PRKAG2: variants seen among roughly 807,000 people sequenced by gnomAD.
The protein encoded by PRKAG2 is 5'-AMP-activated protein kinase subunit gamma-2.
A neutral mutation model predicts 69.6 loss-of-function variants in PRKAG2; 26 were observed. The observed-to-expected ratio is 0.37, with a 90% CI of 0.27 to 0.52. The LOEUF is 0.52. PRKAG2 is among the 20% of genes least tolerant of loss of function. The pLI, the probability that PRKAG2 is intolerant of heterozygous loss-of-function variation, is 0.90. For synonymous variants in PRKAG2, 293 were observed against 285.0 expected (o/e 1.03, Z -0.28); for missense variants, 557 against 740.0 (o/e 0.75, Z 2.87).
intron 4 of PRKAG2, among the ~76,000 whole-genome samples, chr7:151,652,358 G>A (rs923628381): frequency 7.2e-5 from 11 of 152,056 alleles, no homozygotes; most frequent in Admixed American, 1.3e-4. Context: ...GAATTCCACC[G>A]AATTCTTCTA....
intron 6 of PRKAG2, among the ~76,000 whole-genome samples, chr7:151,581,665 C>A (rs1440186399): frequency 2.6e-5 from 4 of 152,118 alleles, no homozygotes; most frequent in Admixed American, 2.6e-4. Flanking sequence ...ATGTTTACAC[C>A]TTGTACAAAT....
chr7:151,809,291 C>G (rs756798682), intron 1 of PRKAG2: 26 of 456,426 alleles, frequency 5.7e-5, no homozygotes, highest in South Asian at 1.7e-4. Flanking sequence ...CACACCCCTA[C>G]CCCGAGACGG....
intron 1 of PRKAG2, among the ~76,000 whole-genome samples, chr7:151,848,502 T>TA (rs2151893495): frequency 7.3e-6 from 1 of 136,262 alleles, no homozygotes; most frequent in East Asian, 2.5e-4. Flanking sequence ...ATGAAGAAAA[T>TA]ACTGCATGTC....
chr7:151,631,543 GGAGT>G (rs1190556009), intron 5 of PRKAG2: 7 of 325,340 alleles, frequency 2.2e-5, no homozygotes, highest in Non-Finnish European at 3.9e-5. Flanking sequence ...CAGAAATGAC[GGAGT>G]GAGAGGGTCG....
chr7:151,835,721 A>G lies in PRKAG2; in HGVS notation c.114+40786T>C, dbSNP rs1462886197. 6.6e-6 allele frequency among the ~76,000 whole-genome samples: 1 copy of G among 152,168 alleles called. No homozygotes were observed. The highest frequency in any genetic ancestry group is 1.5e-5 in the Non-Finnish European group (1 of 68,018). On this transcript the variant is annotated intron_variant, in intron 1 of 15. Transcript: ENST00000287878. The surrounding 1 kb of genome is among the most constrained non-coding windows in gnomAD (Gnocchi z 4.1). ...ACCCAGGTCCTGTTGCAGGACAGTC[A>G]CCCAGCATCCTGGCCCCACCCTGGG...
intron 3 of PRKAG2, among the ~76,000 whole-genome samples, chr7:151,676,890 G>A (rs1833026548): frequency 6.6e-6 from 1 of 152,206 alleles, no homozygotes; most frequent in Non-Finnish European, 1.5e-5. Flanking sequence ...CCTCGTGCTG[G>A]CAGAGGCAGC....
chr7:151,629,243 T>G (rs1006336777), intron 5 of PRKAG2, among the ~76,000 whole-genome samples: 2 of 152,168 alleles, frequency 1.3e-5, no homozygotes, highest in African/African-American at 4.8e-5. Context: ...ACAGAAAAAG[T>G]TGGCCGGCCC....
intron 3 of PRKAG2, among the ~76,000 whole-genome samples, chr7:151,753,492 C>T (rs975869587): frequency 1.7e-4 from 26 of 152,080 alleles, no homozygotes; most frequent in African/African-American, 5.1e-4. Flanking sequence ...ATGCTAACAT[C>T]GGGCAATCTG....
chr7:151,832,306 G>A (rs1195707976), intron 1 of PRKAG2, among the ~76,000 whole-genome samples: 4 of 151,736 alleles, frequency 2.6e-5, no homozygotes, highest in Admixed American at 6.6e-5. Context: ...GAATAAATCT[G>A]AGTCTTTGCC....
intron 3 of PRKAG2, among the ~76,000 whole-genome samples, chr7:151,685,884 T>TAAAAC (rs1044969570): frequency 1.3e-5 from 2 of 152,206 alleles, no homozygotes; most frequent in Non-Finnish European, 2.9e-5. Flanking sequence ...CTATATTTTT[T>TAAAAC]AAAACAAAAC....
In PRKAG2 at chr7:151,603,708, C is replaced by T. The variant is rs145789177; in HGVS notation, c.755-8254G>A. Among the ~76,000 whole-genome samples the T allele has an allele frequency of 1.1e-3, 162 of 150,832 alleles. 1 individual carries two copies. The highest frequency in any genetic ancestry group is 3.8e-3 in the African/African-American group (153 of 40,154). On this transcript the variant is annotated intron_variant, in intron 5 of 15. Coordinates refer to ENST00000287878, the MANE Select transcript of PRKAG2 (RefSeq NM_016203.4). ...TCCTATCCAGGGTGCCTAAAATCAA[C>T]GTGACTCATCACCTTAATCACCTGA...
intron 3 of PRKAG2, among the ~76,000 whole-genome samples, chr7:151,742,516 C>T (rs370198934): frequency 2.9e-4 from 44 of 151,638 alleles, no homozygotes; most frequent in East Asian, 1.2e-3. Flanking sequence ...CCCCGCTACT[C>T]GAGAGGCTGA....
At chr7:151,723,577 C>T (rs1797465607) in intron 3 of PRKAG2, among the ~76,000 whole-genome samples, 1 of 152,226 alleles carries the variant, frequency 6.6e-6, no homozygotes, top group Non-Finnish European at 1.5e-5. Context: ...CCGCACCTGC[C>T]TTGCCTTTGG....
At chr7:151,580,211 G>C (rs139187111) in intron 6 of PRKAG2, among the ~76,000 whole-genome samples, 1 of 152,274 alleles carries the variant, frequency 6.6e-6, no homozygotes, top group African/African-American at 2.4e-5. Flanking sequence ...GTCGGGTGTG[G>C]TGGTGCGCAC....
chr7:151,686,513 C>T (rs1009861187), intron 3 of PRKAG2, among the ~76,000 whole-genome samples: 1 of 152,154 alleles, frequency 6.6e-6, no homozygotes, highest in Non-Finnish European at 1.5e-5. Context: ...AATGATGCCT[C>T]GTCCCCGGGT....
intron 5 of PRKAG2, among the ~76,000 whole-genome samples, chr7:151,631,150 T>G (rs900665087): frequency 7.2e-5 from 11 of 152,224 alleles, no homozygotes; most frequent in Non-Finnish European, 1.6e-4. Context: ...TTTCGAGAGC[T>G]TTATTCTATC....
intron 3 of PRKAG2, among the ~76,000 whole-genome samples, chr7:151,773,019 AAGAAAGAGAGAGAGAGAGAGAGAGAG>A (rs1284880643): frequency 2.1e-4 from 5 of 23,550 alleles, no homozygotes; most frequent in Non-Finnish European, 3.0e-4. Context: ...GAAAGAAAGA[AAGAAAGAGAGAGAGAGAGAGAGAGAG>A]AGAGAGAGGG....
chr7:151,666,084 G>A (rs959296557), intron 4 of PRKAG2, among the ~76,000 whole-genome samples: 15 of 152,142 alleles, frequency 9.9e-5, no homozygotes, highest in South Asian at 6.2e-4. Context: ...CCCTCACACC[G>A]GATGAAACAA....
At chr7:151,683,095 AG>A (rs1194921805) in intron 3 of PRKAG2, among the ~76,000 whole-genome samples, 3 of 152,246 alleles carry the variant, frequency 2.0e-5, no homozygotes, top group Non-Finnish European at 2.9e-5. Context: ...TGATTCTCCC[AG>A]GGCGGCAGCC....
Sources: gnomAD v4.1 joint callset for allele counts (sites outside exome capture counted in the v4.1 genomes callset) on GRCh38, gnomAD v4.1.1 for gene constraint, Gnocchi (gnomAD v3.1) non-coding constraint, MANE v1.5 for transcripts, NCBI Gene and HGNC (gene_info 2026-07-23, HGNC 2026-07-21) for gene names.